The following VENTX variants were observed in gnomAD, a reference collection of about 807,000 sequenced individuals.
VENTX encodes the protein homeobox protein VENTX.
In VENTX, 13 loss-of-function variants were observed where a neutral mutation model predicts 10.5. That is an observed-to-expected ratio of 1.23 (90% CI 0.80 to 1.96). The LOEUF (loss-of-function observed/expected upper bound fraction) is 1.96. Ranked by LOEUF, VENTX falls within the 30% of genes most tolerant of loss-of-function variation. The pLI is 0.00. For synonymous variants in VENTX, 177 were observed against 150.4 expected, an observed-to-expected ratio of 1.18 and a Z score of -1.29; for missense variants, 400 against 341.8, an observed-to-expected ratio of 1.17 and a Z score of -1.34.
chr10:133,238,961 C>T (rs1845891293), intron 1 of VENTX, among the ~76,000 whole-genome samples: 1 of 152,232 alleles, frequency 6.6e-6, no homozygotes, highest in Admixed American at 6.5e-5. Flanking sequence ...CCGCAACCCC[C>T]TTTCTGATGC....
intron 1 of VENTX, among the ~76,000 whole-genome samples, chr10:133,239,319 T>G (rs1845895109): frequency 1.3e-5 from 2 of 152,080 alleles, no homozygotes; most frequent in African/African-American, 4.8e-5. Flanking sequence ...TGCCCCTGGG[T>G]GGGTCGCCAG....
In VENTX at chr10:133,240,245, C is replaced by T. The variant is rs1357605720; in HGVS notation, c.716C>T (p.Pro239Leu). 6.2e-7 allele frequency: 1 copy of T among 1,610,022 alleles called. No individual in the cohort carries two copies. The change falls in exon 3 of 3, where the codon CCA becomes CTA. Residue 239 changes from proline (P) to leucine (L), a missense_variant. Physicochemically the swap from Pro to Leu is moderately conservative, Grantham distance 98 (BLOSUM62 -3). Coordinates refer to ENST00000325980, the MANE Select transcript of VENTX (RefSeq NM_014468.4). ...ACCCCAGGCCGGCCTTCGCTGGGACCAGCCCTGTCCACGGGGCCCCGGGGC... is the reference window on the plus strand; with the variant it reads ...ACCCCAGGCCGGCCTTCGCTGGGACTAGCCCTGTCCACGGGGCCCCGGGGC... The part of the protein sequence containing the change: ...PPTPGRPSLG[P>L]ALSTGPRGLC...
In VENTX at chr10:133,240,413, C is replaced by T; in HGVS notation, c.*107C>T. On this transcript the variant is annotated 3_prime_UTR_variant, in exon 3 of 3. Transcript: ENST00000325980. Reference sequence around the variant, plus strand: ...ATCCTGGTGGCACCTCTCACCCTGACCCACACAAAGGTTCTGGAGATTACT... The same window carrying T: ...ATCCTGGTGGCACCTCTCACCCTGATCCACACAAAGGTTCTGGAGATTACT... The T allele has an allele frequency of 1.5e-6, 2 of 1,354,524 alleles. No individual in the cohort carries two copies. The highest frequency in any genetic ancestry group is 1.9e-6 in the Non-Finnish European group (2 of 1,032,760). The allele number at this position is 1,354,524 out of a possible 1,614,324, so 83.9% of individuals were successfully genotyped here.
chr10:133,238,729 G>A (rs1234321633), intron 1 of VENTX, among the ~76,000 whole-genome samples: 1 of 152,192 alleles, frequency 6.6e-6, no homozygotes, highest in Non-Finnish European at 1.5e-5. Flanking sequence ...GAGAACAAAG[G>A]TTCTCTGCGT....
Position 133,241,400 on chromosome 10 carries a change from T to C in VENTX, c.*1094T>C, listed in dbSNP as rs2980729. On this transcript the variant is annotated 3_prime_UTR_variant, in exon 3 of 3. Coordinates refer to ENST00000325980, the MANE Select transcript of VENTX (RefSeq NM_014468.4). ...ACAATGACTCAAGGACAGCACTTCT[T>C]GCAGAAGGTCTGGAAGTGCCCAGAA... The C allele has an allele frequency of 0.11, 16,538 of 152,454 alleles. 980 individuals carry two copies. Among genetic ancestry groups the C allele is most frequent in the Middle Eastern group, 0.18 (60 of 330 alleles). 9.4% of individuals were successfully genotyped at this position (152,454 alleles called of 1,614,324 possible).
rs1845923079 is a variant in VENTX at position 133,240,558 on chromosome 10, T to C, written c.*252T>C. On this transcript the variant is annotated 3_prime_UTR_variant, in exon 3 of 3. Transcript: ENST00000325980. ...TATATATTTTTTTTTTTTTTTTTTT[T>C]TTTGAGACGGAGTGTTGCTCTGTCA... is the stretch of plus-strand genomic sequence containing the variant. The C allele has an allele frequency of 7.7e-6, 1 of 129,600 alleles. No homozygotes were observed. Among genetic ancestry groups the C allele is most frequent in the African/African-American group, 3.2e-5 (1 of 31,726 alleles). 8.0% of individuals were successfully genotyped at this position (129,600 alleles called of 1,614,324 possible).
rs1243314008 is a variant in VENTX, at chr10:133,241,743, A to C, written c.*1437A>C. The C allele has an allele frequency of 6.6e-6, 1 of 152,234 alleles. No individual in the cohort carries two copies. Among genetic ancestry groups the C allele is most frequent in the Non-Finnish European group, 1.5e-5 (1 of 68,046 alleles). The allele number at this position is 152,234 out of a possible 1,614,324, so 9.4% of individuals were successfully genotyped here. Reference sequence around the variant, plus strand: ...GTGTTTACAACTGGCATGTGCTTTTAAACGTCAGGTAAGAGGGGAACAGCT... The same window carrying C: ...GTGTTTACAACTGGCATGTGCTTTTCAACGTCAGGTAAGAGGGGAACAGCT... On this transcript the variant is annotated 3_prime_UTR_variant, in exon 3 of 3. Coordinates refer to ENST00000325980, the MANE Select transcript of VENTX (RefSeq NM_014468.4).
intron 1 of VENTX, among the ~76,000 whole-genome samples, chr10:133,239,414 T>C (rs1013768513): frequency 6.6e-6 from 1 of 152,084 alleles, no homozygotes; most frequent in Non-Finnish European, 1.5e-5. Flanking sequence ...GGAAGGGAAG[T>C]GTGGGATGGG....
rs748299514 is a variant in VENTX, at chr10:133,239,702, C to T, written c.268C>T (p.Arg90Trp). 59 of 1,611,008 alleles carry T rather than the reference C, an allele frequency of 3.7e-5. 1 individual carries two copies. The East Asian group carries it at 9.6e-4, about 26-fold the overall frequency. ...AGLSKEPNTLRAPRVRTAFTM... is the reference protein window; with the variant it reads ...AGLSKEPNTLWAPRVRTAFTM... Reference sequence around the variant, plus strand: ...GTTGAGTAAGGAGCCAAATACCTTGCGGGCCCCCCGTGTCCGCACAGCCTT... The same window carrying T: ...GTTGAGTAAGGAGCCAAATACCTTGTGGGCCCCCCGTGTCCGCACAGCCTT... The change falls in exon 2 of 3, where the codon CGG (arginine) becomes TGG (tryptophan). Residue 90 changes from arginine to tryptophan, a missense_variant. Transcript: ENST00000325980.
Position 133,237,884 on chromosome 10 carries a change from C to T in VENTX, c.-31C>T, listed in dbSNP as rs746461736. On this transcript the variant is annotated 5_prime_UTR_variant, in exon 1 of 3. Coordinates refer to ENST00000325980, the MANE Select transcript of VENTX (RefSeq NM_014468.4). ...TGGATCCTGCGCCTGGCCAGCCCCG[C>T]CTGGCCTTCCCTCCGGCCCACCTGG... 1 of 1,553,022 alleles carries T rather than the reference C, an allele frequency of 6.4e-7. No homozygotes were observed. Among genetic ancestry groups the T allele is most frequent in the South Asian group, 1.2e-5 (1 of 83,360 alleles).
intron 1 of VENTX, among the ~76,000 whole-genome samples, chr10:133,238,549 C>T: frequency 6.6e-6 from 1 of 152,230 alleles, no homozygotes; most frequent in East Asian, 1.9e-4. Flanking sequence ...CCCCGCCCCC[C>T]AGCACAGCCG....
Position 133,237,935 on chromosome 10 carries a change from A to T in VENTX, c.21A>T (p.Pro7=). Residue 7 remains proline, a synonymous_variant, in exon 1 of 3, where the codon CCA becomes CCT. Transcript: ENST00000325980. Reference sequence around the variant, plus strand: ...CCGCCATGCGCCTCTCCTCCTCCCCACCTCGTGGCCCGCAGCAGCTCTCCA... The same window carrying T: ...CCGCCATGCGCCTCTCCTCCTCCCCTCCTCGTGGCCCGCAGCAGCTCTCCA... MRLSSS[P]PRGPQQLSSF... The T allele has an allele frequency of 6.3e-7, 1 of 1,592,298 alleles. No homozygotes were observed. The highest frequency in any genetic ancestry group is 8.5e-7 in the Non-Finnish European group (1 of 1,175,792).
At chr10:133,239,432 T>A (rs1402716407) in intron 1 of VENTX, among the ~76,000 whole-genome samples, 1 of 152,216 alleles carries the variant, frequency 6.6e-6, no homozygotes, top group Non-Finnish European at 1.5e-5. Context: ...GGGGCGGAAC[T>A]GAGTGGACTG....
rs201743978 is a variant in VENTX at position 133,238,165 on chromosome 10, G to A, written c.241+10G>A. On this transcript the variant is annotated intron_variant, in intron 1 of 2. Coordinates refer to ENST00000325980, the MANE Select transcript of VENTX (RefSeq NM_014468.4). The stretch of plus-strand genomic sequence containing the variant: ...GAGAGGACCATGGCCGGTAGGTCCG[G>A]GTGGGGGGGGTCCCTTCCTTCCCAG... 6.3e-7 allele frequency: 1 copy of A among 1,577,914 alleles called. No individual in the cohort carries two copies. Among genetic ancestry groups the A allele is most frequent in the African/African-American group, 1.4e-5 (1 of 72,998 alleles).
In VENTX at chr10:133,239,914, A is replaced by T. The variant is rs1845908913; in HGVS notation, c.403-18A>T. The T allele has an allele frequency of 1.2e-6, 2 of 1,610,194 alleles. No individual in the cohort carries two copies. The highest frequency in any genetic ancestry group is 2.7e-5 in the African/African-American group (2 of 74,676). ...GTGGCCTAGTCTCACCCCTGTTCTG[A>T]TCTTGCTTTTCCTACAGATAAAAAC... is the stretch of plus-strand genomic sequence containing the variant. On this transcript the variant is annotated intron_variant, in intron 2 of 2. Coordinates refer to ENST00000325980, the MANE Select transcript of VENTX (RefSeq NM_014468.4).
chr10:133,240,451 T>G lies in VENTX; in HGVS notation c.*145T>G. 20 of 624,328 alleles carry G rather than the reference T, an allele frequency of 3.2e-5. No homozygotes were observed. Among genetic ancestry groups the G allele is most frequent in the South Asian group, 3.9e-5 (1 of 25,878 alleles). The allele number at this position is 624,328 out of a possible 1,614,324, so 38.7% of individuals were successfully genotyped here. A position where few individuals can be genotyped will look rare whatever the true frequency, so the allele number is the denominator to read the frequency against. On this transcript the variant is annotated 3_prime_UTR_variant, in exon 3 of 3. Coordinates refer to ENST00000325980, the MANE Select transcript of VENTX (RefSeq NM_014468.4). ...TCTGGAGATTACTGGAGAATATATATAAATATATATATGTACGTATATATG... is the reference window on the plus strand; with the variant it reads ...TCTGGAGATTACTGGAGAATATATAGAAATATATATATGTACGTATATATG...
intron 1 of VENTX, among the ~76,000 whole-genome samples, chr10:133,238,656 C>T (rs1845887779): frequency 1.3e-5 from 2 of 152,136 alleles, no homozygotes; most frequent in African/African-American, 2.4e-5. Flanking sequence ...GTGGCGGTGA[C>T]CCCGATGCCT....
Position 133,240,040 on chromosome 10 carries a change from TCAA to T in VENTX, c.513_515del (p.Thr172del), listed in dbSNP as rs751261659. On this transcript the variant is annotated inframe_deletion, in exon 3 of 3. Coordinates refer to ENST00000325980, the MANE Select transcript of VENTX (RefSeq NM_014468.4). ...TCTCCATGCGCCCCCAGCTTTCTAC[TCAA>T]CGTCTTCTGGCCTTGCCAATGGCCT... is the stretch of plus-strand genomic sequence containing the variant. 1.2e-6 allele frequency: 2 copies of T among 1,611,932 alleles called. No homozygotes were observed. The highest frequency in any genetic ancestry group is 1.7e-6 in the Non-Finnish European group (2 of 1,180,016).
chr10:133,238,101 A>T lies in VENTX; in HGVS notation c.187A>T (p.Ile63Phe). The T allele has an allele frequency of 6.2e-7, 1 of 1,602,644 alleles. No homozygotes were observed. The highest frequency in any genetic ancestry group is 1.1e-5 in the South Asian group (1 of 89,186). The change falls in exon 1 of 3, where the codon ATC becomes TTC. Residue 63 changes from isoleucine (I) to phenylalanine (F), a missense_variant. Physicochemically the swap from Ile to Phe is conservative, Grantham distance 21 (BLOSUM62 0). Coordinates refer to ENST00000325980, the MANE Select transcript of VENTX (RefSeq NM_014468.4). ...GAREPPQAVSIKEAAGSSNLP... is the reference protein window; with the variant it reads ...GAREPPQAVSFKEAAGSSNLP... ...CCGGGAGCCCCCTCAGGCCGTCAGCATCAAGGAGGCCGCCGGGTCCTCAAA... is the reference window on the plus strand; with the variant it reads ...CCGGGAGCCCCCTCAGGCCGTCAGCTTCAAGGAGGCCGCCGGGTCCTCAAA...
Sources: allele counts gnomAD v4.1 joint callset (sites outside exome capture counted in the v4.1 genomes callset), GRCh38; gene constraint gnomAD v4.1.1; transcripts MANE v1.5; gene names NCBI Gene and HGNC (gene_info 2026-07-23, HGNC 2026-07-21).